DNAH10: variants seen among roughly 807,000 people sequenced by gnomAD.
The protein encoded by DNAH10 is dynein axonemal heavy chain 10.
In DNAH10, 348 loss-of-function variants were observed where a neutral mutation model predicts 506.6. The ratio of observed to expected loss-of-function variants is 0.69; its 90% confidence interval spans 0.63 to 0.75. The LOEUF (loss-of-function observed/expected upper bound fraction) is 0.75, where lower values mean the gene tolerates loss of function less well. Among genes scored for constraint, DNAH10 ranks in the 30% least tolerant of loss-of-function variants. The probability of loss-of-function intolerance (pLI) is 0.00; values close to 1 mark genes in which losing one functional copy is unlikely to be tolerated. For missense variants in DNAH10, 5,179 were observed against 5,787.1 expected (o/e 0.89, Z 3.41); for synonymous variants, 2,059 against 2,198.6 (o/e 0.94, Z 1.78).
Position 123,923,858 on chromosome 12 carries a change from T to G in DNAH10, c.11602T>G (p.Phe3868Val). 1 of 1,609,102 alleles carries G rather than the reference T, an allele frequency of 6.2e-7. No homozygotes were observed. The highest frequency in any genetic ancestry group is 8.5e-7 in the Non-Finnish European group (1 of 1,177,928). ...GRVPQEELDFFLKGNISLEKS... is the reference protein window; with the variant it reads ...GRVPQEELDFVLKGNISLEKS... Reference sequence around the variant, plus strand: ...AGTCCCTCAAGAAGAACTAGATTTCTTTTTAAAAGGTAATGAATTTGCCTA... The same window carrying G: ...AGTCCCTCAAGAAGAACTAGATTTCGTTTTAAAAGGTAATGAATTTGCCTA... Residue 3868 changes from phenylalanine (F) to valine (V), a missense_variant, in exon 66 of 79, where the codon TTT becomes GTT. By Grantham distance (50) the Phe-to-Val change is conservative. Coordinates refer to ENST00000673944, the MANE Select transcript of DNAH10 (RefSeq NM_001372106.1).
rs1487431827 is a variant in DNAH10, at chr12:123,789,710, G to T, written c.1621-217G>T. 2.6e-5 allele frequency among the ~76,000 whole-genome samples: 4 copies of T among 152,250 alleles called. No homozygotes were observed. In the East Asian group the frequency reaches 7.7e-4, roughly 29 times the overall value. On this transcript the variant is annotated intron_variant, in intron 10 of 78. Transcript: ENST00000673944. The stretch of plus-strand genomic sequence containing the variant: ...AAGGGACATGGCCTTGGAGGAGGGT[G>T]GGGGTGGCTGCAATGTGGGGAGGAA...
chr12:123,824,288 C>T (rs1429133589), intron 24 of DNAH10, among the ~76,000 whole-genome samples: 2 of 152,038 alleles, frequency 1.3e-5, no homozygotes, highest in Non-Finnish European at 2.9e-5. Flanking sequence ...GGGAAGACTC[C>T]AGGAAAAGAA....
At position 123,901,344 on chromosome 12, in the gene DNAH10, C is replaced by T. The variant is rs935517507; in HGVS notation, c.9641-1595C>T. 4.6e-5 allele frequency among the ~76,000 whole-genome samples: 7 copies of T among 152,314 alleles called. No individual in the cohort carries two copies. The South Asian group carries it at 8.3e-4, about 18-fold the overall frequency. ...CAGCTTCCTTTCTGCTTTTCTGTTC[C>T]GAAGGTTCCACACTCGTGATCTTGC... On this transcript the variant is annotated intron_variant, in intron 56 of 78. Transcript: ENST00000673944.
Position 123,762,579 on chromosome 12 carries a change from C to T in DNAH10, c.214+29C>T, listed in dbSNP as rs1328657295. 2 of 1,532,638 alleles carry T rather than the reference C, an allele frequency of 1.3e-6. No individual in the cohort carries two copies. The highest frequency in any genetic ancestry group is 2.0e-5 in the Admixed American group (1 of 50,148). The allele number at this position is 1,532,638 out of a possible 1,614,324, so 94.9% of individuals were successfully genotyped here. On this transcript the variant is annotated intron_variant, in intron 1 of 78. Coordinates refer to ENST00000673944, the MANE Select transcript of DNAH10 (RefSeq NM_001372106.1). The surrounding 1 kb of genome is among the most constrained non-coding windows in gnomAD (Gnocchi z 5.0). ...AGCCTCGACGCGCCGCTCCCTTCCCCGGGCTTCCCTCCTGCCCGTCCCGGC... is the reference window on the plus strand; with the variant it reads ...AGCCTCGACGCGCCGCTCCCTTCCCTGGGCTTCCCTCCTGCCCGTCCCGGC...
intron 41 of DNAH10, among the ~76,000 whole-genome samples, chr12:123,866,522 C>T (rs1358439965): frequency 6.6e-6 from 1 of 152,086 alleles, no homozygotes. Flanking sequence ...GGATTACAGG[C>T]GTGAGCCACC....
rs116420776 is a variant in DNAH10 at position 123,804,207 on chromosome 12, A to G, written c.2779+382A>G. Among the ~76,000 whole-genome samples the G allele has an allele frequency of 6.2e-3, 947 of 151,798 alleles. 19 individuals are homozygous for G. Among genetic ancestry groups the G allele is most frequent in the African/African-American group, 0.021 (880 of 41,358 alleles). On this transcript the variant is annotated intron_variant, in intron 17 of 78. Transcript: ENST00000673944. ...AACAGTAAAGCTAGTTGTATTTTTT[A>G]TGGGCTCACATTTACTTGCTAAAGA... is the stretch of plus-strand genomic sequence containing the variant.
intron 5 of DNAH10, among the ~76,000 whole-genome samples, chr12:123,780,207 C>T (rs1289223249): frequency 2.7e-5 from 4 of 147,628 alleles, no homozygotes; most frequent in South Asian, 2.1e-4. Flanking sequence ...TGCTCTATCG[C>T]CCAGGTTGGA....
chr12:123,908,337 A>C (rs1423341516), intron 57 of DNAH10: 5 of 454,120 alleles, frequency 1.1e-5, no homozygotes, highest in Admixed American at 7.1e-5. Context: ...GGCTCACCCC[A>C]GCCTCCTACC....
chr12:123,929,528 C>T (rs2137697879), intron 71 of DNAH10, 44 bp downstream of exon 71: 2 of 1,591,080 alleles, frequency 1.3e-6, no homozygotes. Flanking sequence ...CCTTAGGCGG[C>T]CCACTTCCTC....
Position 123,928,665 on chromosome 12 carries a change from G to A in DNAH10, c.12306+78G>A. ...CTGCATGCTGCTCTGGGGCCGGGGT[G>A]TGCCTTTGTCTGTGTAGAAATAAAC... On this transcript the variant is annotated intron_variant, in intron 70 of 78. Coordinates refer to ENST00000673944, the MANE Select transcript of DNAH10 (RefSeq NM_001372106.1). The surrounding 1 kb of genome is among the most constrained non-coding windows in gnomAD (Gnocchi z 4.9). The A allele has an allele frequency of 1.4e-6, 2 of 1,470,728 alleles. No homozygotes were observed. Among genetic ancestry groups the A allele is most frequent in the Non-Finnish European group, 1.8e-6 (2 of 1,093,900 alleles). The allele number at this position is 1,470,728 out of a possible 1,614,324, so 91.1% of individuals were successfully genotyped here.
intron 62 of DNAH10, among the ~76,000 whole-genome samples, chr12:123,915,723 T>G (rs996693057): frequency 1.3e-5 from 2 of 152,212 alleles, no homozygotes; most frequent in Admixed American, 1.3e-4. Context: ...TTGGGCTGAA[T>G]GATATTCCGG....
Position 123,846,038 on chromosome 12 carries a change from G to T in DNAH10, c.5698G>T (p.Glu1900Ter), listed in dbSNP as rs199935674. Residue 1900 changes from glutamate (E) to a stop codon, truncating the protein, a stop_gained, in exon 32 of 79, where the codon GAG (glutamate) becomes TAG (stop). Transcript: ENST00000673944. LOFTEE classifies it high-confidence loss of function. The surrounding 1 kb of genome is among the most constrained non-coding windows in gnomAD (Gnocchi z 4.5). ...GTTTTATTGGGACCGGGAGCCGGAT[G>T]AGCTGAACATCCGCCAGTGCACGGG... ...LRFYWDREPDELNIRQCTGTF... is the reference protein window; with the variant it reads ...LRFYWDREPD 2 of 1,614,052 alleles carry T rather than the reference G, an allele frequency of 1.2e-6. No homozygotes were observed. Among genetic ancestry groups the T allele is most frequent in the Non-Finnish European group, 1.7e-6 (2 of 1,179,896 alleles).
At chr12:123,829,794 G>A (rs1359258532) in intron 25 of DNAH10, among the ~76,000 whole-genome samples, 4 of 151,752 alleles carry the variant, frequency 2.6e-5, no homozygotes, top group Non-Finnish European at 5.9e-5. Context: ...GCTGTCTAGC[G>A]TCATGCTTAG....
chr12:123,848,140 A>G, intron 33 of DNAH10, 45 bp downstream of exon 33: 1 of 1,582,648 alleles, frequency 6.3e-7, no homozygotes, highest in Non-Finnish European at 8.6e-7. Flanking sequence ...TTAGGCAGAG[A>G]GCTTAAAGCA....
rs1565885724 is a variant in DNAH10, at chr12:123,772,957, CGT to C, written c.505+24_505+25del. On this transcript the variant is annotated intron_variant, in intron 4 of 78. Coordinates refer to ENST00000673944, the MANE Select transcript of DNAH10 (RefSeq NM_001372106.1). ...AAATACCAAAGGTACATTTCTGGCA[CGT>C]GTGTGTGTATGTGTGTTGAGGGGGT... 7 of 1,579,298 alleles carry C rather than the reference CGT, an allele frequency of 4.4e-6. No homozygotes were observed. Among genetic ancestry groups the C allele is most frequent in the South Asian group, 1.1e-5 (1 of 89,330 alleles).
At chr12:123,863,392 G>A (rs1951683392) in intron 39 of DNAH10, among the ~76,000 whole-genome samples, 1 of 152,200 alleles carries the variant, frequency 6.6e-6, no homozygotes, top group Non-Finnish European at 1.5e-5. Flanking sequence ...AAATTACATG[G>A]TGGTGTTAGT....
At chr12:123,870,288 C>T (rs757923741) in intron 43 of DNAH10, 78 bp from the exon 44 acceptor site, 31 of 1,537,796 alleles carry the variant, frequency 2.0e-5, no homozygotes, top group Non-Finnish European at 2.7e-5. Context: ...AACATTAGTT[C>T]ATTTCAAGCA....
chr12:123,899,929 G>T (rs1037418443), intron 56 of DNAH10, among the ~76,000 whole-genome samples: 4 of 152,198 alleles, frequency 2.6e-5, no homozygotes, highest in African/African-American at 9.7e-5. Flanking sequence ...CCAGGAATTT[G>T]TGGCATATCC....
At chr12:123,771,981 G>A (rs1957269859) in intron 3 of DNAH10, among the ~76,000 whole-genome samples, 1 of 152,178 alleles carries the variant, frequency 6.6e-6, no homozygotes, top group Admixed American at 6.5e-5. Flanking sequence ...GCAGAAAATA[G>A]GCACAAGCTT....
Sources: allele counts gnomAD v4.1 joint callset (sites outside exome capture counted in the v4.1 genomes callset), GRCh38; gene constraint gnomAD v4.1.1; non-coding constraint Gnocchi (gnomAD v3.1); transcripts MANE v1.5; gene names NCBI Gene and HGNC (gene_info 2026-07-23, HGNC 2026-07-21).